MRPS9: variants seen among roughly 807,000 people sequenced by gnomAD.
MRPS9 encodes small ribosomal subunit protein uS9m.
Under a neutral mutation model 59.9 loss-of-function variants are expected in MRPS9, and 45 were observed. The observed-to-expected ratio is 0.75, with a 90% confidence interval of 0.59 to 0.96. The LOEUF (loss-of-function observed/expected upper bound fraction) is 0.96. Ranked by LOEUF, MRPS9 falls within the 40% of genes least tolerant of loss-of-function variation. The probability of loss-of-function intolerance (pLI) is 0.00; values close to 1 mark genes in which losing one functional copy is unlikely to be tolerated. For missense variants in MRPS9, 473 were observed against 481.1 expected, an observed-to-expected ratio of 0.98 and a Z score of 0.16; for synonymous variants, 171 against 166.8, an observed-to-expected ratio of 1.03 and a Z score of -0.19.
intron 2 of MRPS9, among the ~76,000 whole-genome samples, chr2:105,070,933 C>T (rs955651023): frequency 3.9e-5 from 6 of 152,174 alleles, no homozygotes; most frequent in Admixed American, 3.9e-4. Flanking sequence ...GACTTAGAGC[C>T]TGCTCTTTGC....
At chr2:105,045,632 A>C (rs946021275) in intron 1 of MRPS9, among the ~76,000 whole-genome samples, 4 of 152,332 alleles carry the variant, frequency 2.6e-5, no homozygotes, top group South Asian at 4.1e-4. Flanking sequence ...ATTACATAGG[A>C]GTAGAAAACT....
chr2:105,059,181 A>T (rs890348001), intron 2 of MRPS9, among the ~76,000 whole-genome samples: 2 of 152,132 alleles, frequency 1.3e-5, no homozygotes, highest in Non-Finnish European at 2.9e-5. Flanking sequence ...TGCCAAGTTA[A>T]ATTTCATACC....
In MRPS9 at chr2:105,038,120, G is replaced by T; in HGVS notation, c.28G>T (p.Gly10Ter). The change falls in exon 1 of 11, where the codon GGA becomes TGA. Residue 10 changes from glycine (G) to a stop codon, truncating the protein, a stop_gained. Coordinates refer to ENST00000258455, the MANE Select transcript of MRPS9 (RefSeq NM_182640.3). LOFTEE classifies it high-confidence loss of function. Reference protein sequence around the residue: MAAPCVSYGGAVSYRLLLWG... With the variant: MAAPCVSYG ...GGCGGCGCCCTGTGTGTCCTACGGCGGAGCAGTTTCGTACCGGCTTCTTCT... is the reference window on the plus strand; with the variant it reads ...GGCGGCGCCCTGTGTGTCCTACGGCTGAGCAGTTTCGTACCGGCTTCTTCT... 2 of 1,613,936 alleles carry T rather than the reference G, an allele frequency of 1.2e-6. No individual in the cohort carries two copies. The highest frequency in any genetic ancestry group is 1.7e-6 in the Non-Finnish European group (2 of 1,179,992).
intron 9 of MRPS9, 43 bp from the exon 10 acceptor site, chr2:105,097,112 C>G: frequency 7.1e-7 from 1 of 1,418,194 alleles, no homozygotes; most frequent in Middle Eastern, 1.9e-4. Context: ...AATTATGTAT[C>G]TTTATAGTAA....
At chr2:105,048,875 CA>C (rs1679657756) in intron 1 of MRPS9, among the ~76,000 whole-genome samples, 2 of 151,864 alleles carry the variant, frequency 1.3e-5, no homozygotes, top group Non-Finnish European at 2.9e-5. Flanking sequence ...CAATCATTAT[CA>C]AAAGTGGATG....
intron 5 of MRPS9, among the ~76,000 whole-genome samples, chr2:105,084,064 C>T (rs967190569): frequency 6.6e-5 from 10 of 152,032 alleles, no homozygotes; most frequent in Non-Finnish European, 2.9e-5. Flanking sequence ...TTTACAAAAG[C>T]TCCCCTCATC....
chr2:105,044,159 C>G (rs968916671), intron 1 of MRPS9, among the ~76,000 whole-genome samples: 3 of 151,912 alleles, frequency 2.0e-5, no homozygotes, highest in African/African-American at 7.3e-5. Context: ...TAGTGTCGAA[C>G]TCCTGACAGT....
At position 105,063,222 on chromosome 2, in the gene MRPS9, T is replaced by A. The variant is rs553918201; in HGVS notation, c.316-8091T>A. Among the ~76,000 whole-genome samples the A allele has an allele frequency of 4.2e-3, 640 of 152,282 alleles. 5 individuals are homozygous for A. The highest frequency in any genetic ancestry group is 0.015 in the African/African-American group (606 of 41,548). On this transcript the variant is annotated intron_variant, in intron 2 of 10. Coordinates refer to ENST00000258455, the MANE Select transcript of MRPS9 (RefSeq NM_182640.3). ...GAGTCAAGGCTGTAGTGCGCCATGA[T>A]CACATCTGTGAATAGCCACTGCTCT...
intron 2 of MRPS9, among the ~76,000 whole-genome samples, chr2:105,069,672 T>C (rs1401788132): frequency 6.6e-6 from 1 of 152,182 alleles, no homozygotes; most frequent in Non-Finnish European, 1.5e-5. Context: ...TACTCTGCTG[T>C]ATATGATGTG....
Position 105,087,333 on chromosome 2 carries a change from C to G in MRPS9, c.490-1651C>G, listed in dbSNP as rs1174686642. Among the ~76,000 whole-genome samples, 5 of 152,250 alleles carry G rather than the reference C, an allele frequency of 3.3e-5. No homozygotes were observed. The East Asian group carries it at 9.7e-4, about 29-fold the overall frequency. Reference sequence around the variant, plus strand: ...AATATGAATACTAGGATGAAATTAACTTCATTTGTCCCTCTGCTATTGTGT... The same window carrying G: ...AATATGAATACTAGGATGAAATTAAGTTCATTTGTCCCTCTGCTATTGTGT... On this transcript the variant is annotated intron_variant, in intron 5 of 10. Coordinates refer to ENST00000258455, the MANE Select transcript of MRPS9 (RefSeq NM_182640.3).
chr2:105,043,038 A>G (rs1415871684), intron 1 of MRPS9, among the ~76,000 whole-genome samples: 1 of 151,616 alleles, frequency 6.6e-6, no homozygotes, highest in Non-Finnish European at 1.5e-5. Context: ...ATGCATCTCT[A>G]ACATAAAGGT....
chr2:105,092,633 T>G, intron 8 of MRPS9, 64 bp downstream of exon 8: 1 of 1,301,524 alleles, frequency 7.7e-7, no homozygotes, highest in East Asian at 2.5e-5. Flanking sequence ...ATTATTTTTA[T>G]TTGCTATTGC....
chr2:105,075,997 G>GT (rs1412963916), intron 4 of MRPS9, among the ~76,000 whole-genome samples: 1 of 151,470 alleles, frequency 6.6e-6, no homozygotes, highest in African/African-American at 2.4e-5. Context: ...ACCTAGCATG[G>GT]TTAAAAAAAA....
chr2:105,084,515 G>T (rs1468060243), intron 5 of MRPS9, among the ~76,000 whole-genome samples: 1 of 152,114 alleles, frequency 6.6e-6, no homozygotes, highest in African/African-American at 2.4e-5. Flanking sequence ...AGAAGTCCTG[G>T]GGACGGAGTA....
chr2:105,070,212 C>T (rs1680088886), intron 2 of MRPS9, among the ~76,000 whole-genome samples: 1 of 152,138 alleles, frequency 6.6e-6, no homozygotes, highest in African/African-American at 2.4e-5. Context: ...TGGCCTCATC[C>T]TCCCACATCA....
intron 2 of MRPS9, among the ~76,000 whole-genome samples, chr2:105,063,541 T>C (rs1679943362): frequency 6.6e-6 from 1 of 152,272 alleles, no homozygotes; most frequent in African/African-American, 2.4e-5. Flanking sequence ...AACATTTTGC[T>C]ATATTTGCTT....
chr2:105,048,783 T>G (rs1467957754), intron 1 of MRPS9, among the ~76,000 whole-genome samples: 1 of 151,938 alleles, frequency 6.6e-6, no homozygotes, highest in Non-Finnish European at 1.5e-5. Flanking sequence ...TGGTTTCTGG[T>G]GCGTGTGTAT....
rs188400447 is a variant in MRPS9 at position 105,080,034 on chromosome 2, G to T, written c.461G>T (p.Gly154Val). 1.2e-6 allele frequency: 2 copies of T among 1,609,386 alleles called. No homozygotes were observed. The highest frequency in any genetic ancestry group is 1.3e-5 in the African/African-American group (1 of 74,768). Reference sequence around the variant, plus strand: ...CCATTTCACTATCTCTTCTATACTGGCAAACAGTCATACTATTCATTAATG... The same window carrying T: ...CCATTTCACTATCTCTTCTATACTGTCAAACAGTCATACTATTCATTAATG... ...GRPFHYLFYT[G>V]KQSYYSLMHD... The change falls in exon 5 of 11, where the codon GGC becomes GTC. Residue 154 changes from glycine to valine, a missense_variant. Coordinates refer to ENST00000258455, the MANE Select transcript of MRPS9 (RefSeq NM_182640.3).
At chr2:105,071,282 G>C (rs778675428) in intron 2 of MRPS9, 31 bp from the exon 3 acceptor site, 10 of 1,587,270 alleles carry the variant, frequency 6.3e-6, no homozygotes, top group East Asian at 4.5e-5. Flanking sequence ...TTATATAACA[G>C]TTGTTAACTA....
Sources: gnomAD v4.1 joint callset for allele counts (sites outside exome capture counted in the v4.1 genomes callset) on GRCh38, gnomAD v4.1.1 for gene constraint, MANE v1.5 for transcripts, NCBI Gene and HGNC (gene_info 2026-07-23, HGNC 2026-07-21) for gene names.